Variants in WWP2 observed in about 807,000 individuals in gnomAD.
WWP2 encodes WW domain containing E3 ubiquitin protein ligase 2.
In WWP2, 57 loss-of-function variants were observed where a neutral mutation model predicts 121.0. The ratio of observed to expected loss-of-function variants is 0.47; its 90% CI spans 0.38 to 0.59. WWP2 has a LOEUF of 0.59. WWP2 is among the 20% of genes least tolerant of loss of function. The pLI, the probability that WWP2 is intolerant of heterozygous loss-of-function variation, is 0.00. For missense variants in WWP2, 962 were observed against 1,158.9 expected (o/e 0.83, Z 2.47); for synonymous variants, 449 against 441.3 (o/e 1.02, Z -0.22).
In WWP2 at chr16:69,935,623, T is replaced by A. The variant is rs1478183702; in HGVS notation, c.1843-230T>A. On this transcript the variant is annotated intron_variant, in intron 17 of 23. Transcript: ENST00000359154. The surrounding 1 kb of genome is among the most constrained non-coding windows in gnomAD (Gnocchi z 5.2). The stretch of plus-strand genomic sequence containing the variant: ...TCCCGCACCAGCTGGCTCTGCCCAG[T>A]CCTTGCGGTCTGCAGGGCAGGGTGG... Among the ~76,000 whole-genome samples the A allele has an allele frequency of 6.6e-6, 1 of 152,208 alleles. No individual in the cohort carries two copies. Among genetic ancestry groups the A allele is most frequent in the Non-Finnish European group, 1.5e-5 (1 of 68,036 alleles).
At chr16:69,908,349 C>G (rs2058328623) in intron 8 of WWP2, among the ~76,000 whole-genome samples, 1 of 152,108 alleles carries the variant, frequency 6.6e-6, no homozygotes, top group Non-Finnish European at 1.5e-5. Flanking sequence ...CTATGAAACC[C>G]AGAAATTGCA....
At chr16:69,878,785 C>G (rs982290852) in intron 7 of WWP2, among the ~76,000 whole-genome samples, 5 of 152,114 alleles carry the variant, frequency 3.3e-5, no homozygotes, top group Admixed American at 2.6e-4. Context: ...GTGTATTTCC[C>G]TGTTACAAAA....
rs1303359765 is a variant in WWP2 at position 69,838,773 on chromosome 16, A to C, written c.341-1353A>C. ...ACGTTTAGTACTCACCAAGGCCCTC[A>C]GTGGAACTGGCTGAAAATAGCAGCA... is the stretch of plus-strand genomic sequence containing the variant. On this transcript the variant is annotated intron_variant, in intron 4 of 23. Coordinates refer to ENST00000359154, the MANE Select transcript of WWP2 (RefSeq NM_001270454.2). 4 of 985,536 alleles carry C rather than the reference A, an allele frequency of 4.1e-6. No homozygotes were observed. In the Admixed American group the frequency reaches 1.8e-4, roughly 45 times the overall value. 61.0% of individuals were successfully genotyped at this position (985,536 alleles called of 1,614,324 possible). A position where few individuals can be genotyped will look rare whatever the true frequency, so the allele number is the denominator to read the frequency against.
chr16:69,835,822 A>G (rs4985374), intron 4 of WWP2, among the ~76,000 whole-genome samples: 1 of 147,066 alleles, frequency 6.8e-6, no homozygotes, highest in Non-Finnish European at 1.5e-5. Context: ...TTTTTTTTTG[A>G]GACAGAGTCT....
At chr16:69,795,259 T>TATACAC (rs2056005807) in intron 2 of WWP2, among the ~76,000 whole-genome samples, 1 of 92,964 alleles carries the variant, frequency 1.1e-5, no homozygotes, top group East Asian at 2.2e-4. Flanking sequence ...AAAATGCGGA[T>TATACAC]ACACACACAC....
At position 69,782,281 on chromosome 16, in the gene WWP2, T is replaced by TCAAA. The variant is rs1010371081; in HGVS notation, c.-15-4704_-15-4701dup. On this transcript the variant is annotated intron_variant, in intron 1 of 23. Coordinates refer to ENST00000359154, the MANE Select transcript of WWP2 (RefSeq NM_001270454.2). ...CCGGGTGACAGAGCGAGACTCCATCTCAAACAAACAAACAGACAAACAGAG... is the reference window on the plus strand; with the variant it reads ...CCGGGTGACAGAGCGAGACTCCATCTCAAACAAACAAACAAACAGACAAACAGAG... 1.4e-4 allele frequency among the ~76,000 whole-genome samples: 21 copies of TCAAA among 152,180 alleles called. No homozygotes were observed. In the South Asian group the frequency reaches 1.9e-3, roughly 14 times the overall value.
chr16:69,907,367 G>A (rs573092033), intron 8 of WWP2, among the ~76,000 whole-genome samples: 7 of 152,238 alleles, frequency 4.6e-5, no homozygotes, highest in Admixed American at 2.6e-4. Flanking sequence ...CACATCGTCC[G>A]CTTCTATATC....
chr16:69,884,047 C>T (rs148914194), intron 7 of WWP2, among the ~76,000 whole-genome samples: 158 of 152,304 alleles, frequency 1.0e-3, no homozygotes, highest in African/African-American at 3.6e-3. Flanking sequence ...ATTCTGCTCA[C>T]CTTCAGTTTC....
At chr16:69,787,175 A>G in intron 2 of WWP2, 95 bp downstream of exon 2, 1 of 889,578 alleles carries the variant, frequency 1.1e-6, no homozygotes, top group Non-Finnish European at 1.7e-6. Context: ...ATTTTGTGAA[A>G]TAGTTTACAT....
At chr16:69,906,095 C>T (rs556223954) in intron 8 of WWP2, among the ~76,000 whole-genome samples, 7 of 149,744 alleles carry the variant, frequency 4.7e-5, no homozygotes, top group South Asian at 4.2e-4. Flanking sequence ...TTTTTTGAGA[C>T]GGAGTCTTGC....
intron 4 of WWP2, among the ~76,000 whole-genome samples, chr16:69,813,088 G>A (rs1204370618): frequency 6.6e-6 from 1 of 151,746 alleles, no homozygotes; most frequent in Non-Finnish European, 1.5e-5. Context: ...ATGCGTGTGT[G>A]TAGGTATGTA....
chr16:69,864,213 C>A (rs2057477788), intron 6 of WWP2, among the ~76,000 whole-genome samples: 1 of 151,922 alleles, frequency 6.6e-6, no homozygotes, highest in Admixed American at 6.6e-5. Context: ...ACCAAAAATG[C>A]AAAAATGAGC....
chr16:69,935,950 T>C lies in WWP2; in HGVS notation c.1940T>C (p.Ile647Thr). The part of the protein sequence containing the change: ...KRPTLKDLES[I>T]DPEFYNSIVW... ...CCAACCCTGAAAGACCTGGAGTCCA[T>C]TGACCCTGAGTTCTACAACTCCATT... Residue 647 changes from isoleucine (I) to threonine (T), a missense_variant, in exon 18 of 24, where the codon ATT becomes ACT. Ile to Thr is a moderately conservative substitution (Grantham distance 89). Around this residue, in one of 3 missense-constraint regions of WWP2, gnomAD observed 606 missense variants for 772.6 expected, o/e 0.78. Transcript: ENST00000359154. This position sits in a 1 kb window ranked among gnomAD's most constrained non-coding sequence, Gnocchi z 5.2. 6.2e-7 allele frequency: 1 copy of C among 1,614,070 alleles called. No homozygotes were observed. Among genetic ancestry groups the C allele is most frequent in the Non-Finnish European group, 8.5e-7 (1 of 1,180,018 alleles).
chr16:69,830,399 T>C (rs2056773743), intron 4 of WWP2, among the ~76,000 whole-genome samples: 1 of 152,224 alleles, frequency 6.6e-6, no homozygotes, highest in South Asian at 2.1e-4. Context: ...CAGGAAATGT[T>C]TCCTGAATGA....
intron 2 of WWP2, among the ~76,000 whole-genome samples, chr16:69,790,956 T>A (rs2055896938): frequency 6.6e-6 from 1 of 152,230 alleles, no homozygotes; most frequent in Non-Finnish European, 1.5e-5. Context: ...TGCCTGTTTC[T>A]TATTACATTA....
intron 8 of WWP2, among the ~76,000 whole-genome samples, chr16:69,897,045 G>A (rs1167296803): frequency 2.0e-5 from 3 of 151,854 alleles, no homozygotes; most frequent in African/African-American, 7.3e-5. Context: ...AATACCTGTG[G>A]CTCATCATCT....
chr16:69,798,187 C>CT (rs754154093), intron 2 of WWP2, among the ~76,000 whole-genome samples: 10 of 152,190 alleles, frequency 6.6e-5, no homozygotes, highest in Non-Finnish European at 1.2e-4. Flanking sequence ...GTTTTAAGAA[C>CT]TTTAAAAAGT....
chr16:69,888,288 C>T (rs929427155), intron 8 of WWP2, 39 bp downstream of exon 8: 1 of 1,591,756 alleles, frequency 6.3e-7, no homozygotes, highest in Non-Finnish European at 8.6e-7. Flanking sequence ...CTCTCCTCCT[C>T]AAAGACTGAG....
At chr16:69,836,417 C>T (rs927913747) in intron 4 of WWP2, among the ~76,000 whole-genome samples, 1 of 152,006 alleles carries the variant, frequency 6.6e-6, no homozygotes, top group Non-Finnish European at 1.5e-5. Context: ...TAATGTTTCT[C>T]TATCCCCCTC....
Sources: gnomAD v4.1 joint callset for allele counts (sites outside exome capture counted in the v4.1 genomes callset) on GRCh38, gnomAD v4.1.1 for gene constraint, gnomAD v4.1.1 regional missense constraint, Gnocchi (gnomAD v3.1) non-coding constraint, MANE v1.5 for transcripts, NCBI Gene and HGNC (gene_info 2026-07-23, HGNC 2026-07-21) for gene names.